Variants in ZFHX3 observed in about 807,000 individuals in gnomAD.
ZFHX3 encodes zinc finger homeobox 3.
In ZFHX3, 42 loss-of-function variants were observed where a neutral mutation model predicts 279.1. That is an observed-to-expected ratio of 0.15 (90% CI 0.12 to 0.19). ZFHX3 has a LOEUF of 0.19. Among genes scored for constraint, ZFHX3 ranks in the 10% least tolerant of loss-of-function variants. ZFHX3 has a pLI of 1.00. For missense variants in ZFHX3, 4,981 were observed against 4,754.0 expected (o/e 1.05, Z -1.40); for synonymous variants, 2,293 against 1,957.8 (o/e 1.17, Z -4.52).
intron 7 of ZFHX3, among the ~76,000 whole-genome samples, chr16:72,800,888 A>G (rs1174617298): frequency 2.6e-5 from 4 of 152,062 alleles, no homozygotes; most frequent in Non-Finnish European, 4.4e-5. Flanking sequence ...GACCATGGCC[A>G]TTTTTTCTCA....
intron 5 of ZFHX3, among the ~76,000 whole-genome samples, chr16:73,216,472 A>G (rs897644672): frequency 2.6e-5 from 4 of 152,218 alleles, no homozygotes; most frequent in African/African-American, 9.6e-5. Context: ...TATTATATCC[A>G]TCTCCCTCAA....
intron 2 of ZFHX3, among the ~76,000 whole-genome samples, chr16:73,519,560 T>C (rs2143703802): frequency 6.6e-6 from 1 of 152,260 alleles, no homozygotes; most frequent in African/African-American, 2.4e-5. Context: ...TTTCTTTCCG[T>C]CCCATTTTCT....
exon 3 of ZFHX3, chr16:73,456,007 G>A (rs2018365149): frequency 6.6e-6 from 1 of 152,020 alleles, no homozygotes; most frequent in African/African-American, 2.4e-5. Flanking sequence ...CCTTACCTGG[G>A]AAGAACTGTG....
At chr16:73,591,714 A>AAAAAAAAG in intron 2 of ZFHX3, among the ~76,000 whole-genome samples, 1 of 145,362 alleles carries the variant, frequency 6.9e-6, no homozygotes, top group Non-Finnish European at 1.5e-5. Context: ...AAAAAAAAAA[A>AAAAAAAAG]AAAAGAAAAG....
intron 3 of ZFHX3, among the ~76,000 whole-genome samples, chr16:73,332,430 C>A (rs1403079151): frequency 6.6e-6 from 1 of 152,212 alleles, no homozygotes; most frequent in African/African-American, 2.4e-5. Flanking sequence ...GCCATGTCCA[C>A]TAGCTGCACA....
At chr16:73,271,128 G>A (rs2014132326) in intron 4 of ZFHX3, among the ~76,000 whole-genome samples, 1 of 152,128 alleles carries the variant, frequency 6.6e-6, no homozygotes, top group South Asian at 2.1e-4. Context: ...TTAGAGCTTG[G>A]CGTTGAGTGG....
chr16:73,333,627 G>T (rs1047957240), intron 3 of ZFHX3, among the ~76,000 whole-genome samples: 10 of 151,930 alleles, frequency 6.6e-5, no homozygotes, highest in African/African-American at 2.2e-4. Flanking sequence ...GGATGTGTGG[G>T]GTAGTCAGAA....
chr16:73,467,947 AT>A (rs1321587240), intron 2 of ZFHX3, among the ~76,000 whole-genome samples: 23 of 152,326 alleles, frequency 1.5e-4, no homozygotes, highest in African/African-American at 3.8e-4. Context: ...GGAATCTGTA[AT>A]TTATCAGAGC....
At chr16:73,182,651 A>T (rs1360704630) in intron 5 of ZFHX3, among the ~76,000 whole-genome samples, 1 of 152,250 alleles carries the variant, frequency 6.6e-6, no homozygotes, top group African/African-American at 2.4e-5. Context: ...AGTGTTATCC[A>T]ATGAAGAACT....
chr16:73,485,570 C>T (rs2018959316), intron 2 of ZFHX3, among the ~76,000 whole-genome samples: 1 of 152,182 alleles, frequency 6.6e-6, no homozygotes, highest in Non-Finnish European at 1.5e-5. Context: ...CTGATAAGGG[C>T]TGCAGTGTCC....
At chr16:72,915,223 C>T (rs114504571) in intron 3 of ZFHX3, among the ~76,000 whole-genome samples, 115 of 152,248 alleles carry the variant, frequency 7.6e-4, no homozygotes, top group African/African-American at 2.7e-3. Context: ...TTTGTTTTCC[C>T]ATTGTGTCAA....
upstream of ZFHX3, chr16:73,060,163 A>C (rs2144742680): frequency 6.6e-6 from 1 of 151,600 alleles, no homozygotes; most frequent in African/African-American, 2.4e-5. Flanking sequence ...CAATATATTT[A>C]AATATAGAGG....
At chr16:73,425,479 T>C (rs555633494) in intron 3 of ZFHX3, among the ~76,000 whole-genome samples, 2 of 152,294 alleles carry the variant, frequency 1.3e-5, no homozygotes, top group East Asian at 3.9e-4. Context: ...ATGAAAATAC[T>C]AAGGATCCAA....
At chr16:73,070,855 T>G (rs866251106) in intron 8 of ZFHX3, among the ~76,000 whole-genome samples, 3 of 151,460 alleles carry the variant, frequency 2.0e-5, no homozygotes, top group Non-Finnish European at 4.4e-5. Flanking sequence ...TCTCTGTCTT[T>G]CTCATGTCAC....
At chr16:73,112,040 T>C (rs188250287) in intron 7 of ZFHX3, among the ~76,000 whole-genome samples, 1 of 152,028 alleles carries the variant, frequency 6.6e-6, no homozygotes, top group East Asian at 1.9e-4. Flanking sequence ...CACTGGTGGG[T>C]CTAGGTGGTG....
chr16:73,289,767 C>T (rs1458269538), intron 4 of ZFHX3, among the ~76,000 whole-genome samples: 1 of 152,082 alleles, frequency 6.6e-6, no homozygotes, highest in Non-Finnish European at 1.5e-5. Context: ...CCCAGGGGAG[C>T]AGGAGACCCT....
At chr16:72,984,932 C>T (rs953201521) in intron 1 of ZFHX3, among the ~76,000 whole-genome samples, 1 of 151,876 alleles carries the variant, frequency 6.6e-6, no homozygotes, top group Non-Finnish European at 1.5e-5. Context: ...TGCATATATA[C>T]CTATACACAT....
chr16:73,074,981 T>G (rs55933875), intron 8 of ZFHX3, among the ~76,000 whole-genome samples: 1 of 151,118 alleles, frequency 6.6e-6, no homozygotes, highest in Non-Finnish European at 1.5e-5. Context: ...TAATTTTTGT[T>G]TTTTTTTGTA....
At chr16:73,167,380 G>T (rs906975710) in intron 5 of ZFHX3, among the ~76,000 whole-genome samples, 1 of 152,118 alleles carries the variant, frequency 6.6e-6, no homozygotes, top group Non-Finnish European at 1.5e-5. Context: ...AGGACTTTTG[G>T]CATAAAATAA....
Sources: allele counts gnomAD v4.1 joint callset (sites outside exome capture counted in the v4.1 genomes callset), GRCh38; gene constraint gnomAD v4.1.1; transcripts MANE v1.5; gene names NCBI Gene and HGNC (gene_info 2026-07-23, HGNC 2026-07-21).